Variants in RAD18 observed in about 807,000 individuals in gnomAD.
RAD18 encodes the protein RAD18 E3 ubiquitin protein ligase.
A neutral mutation model predicts 60.4 loss-of-function variants in RAD18; 47 were observed. The ratio of observed to expected loss-of-function variants is 0.78; its 90% CI spans 0.62 to 0.99. The LOEUF (loss-of-function observed/expected upper bound fraction) is 0.99, where lower values mean the gene tolerates loss of function less well. RAD18 is among the 50% of genes least tolerant of loss of function. RAD18 has a pLI of 0.00. For synonymous variants in RAD18, 225 were observed against 195.5 expected (o/e 1.15, Z -1.26); for missense variants, 640 against 593.3 (o/e 1.08, Z -0.82).
At chr3:8,926,273 C>CA (rs1385178730) in intron 7 of RAD18, among the ~76,000 whole-genome samples, 1 of 152,124 alleles carries the variant, frequency 6.6e-6, no homozygotes, top group Non-Finnish European at 1.5e-5. Context: ...CAATAACAGA[C>CA]AGAGAGCCAA....
intron 9 of RAD18, among the ~76,000 whole-genome samples, chr3:8,906,794 G>GTT (rs369984359): frequency 0.56 from 81,422 of 144,464 alleles, 24,953 homozygotes; most frequent in Middle Eastern, 0.7. Context: ...GGGGGAAACA[G>GTT]TTTTTTTTTT....
At chr3:8,952,929 T>C (rs989303619) in intron 2 of RAD18, among the ~76,000 whole-genome samples, 1 of 152,170 alleles carries the variant, frequency 6.6e-6, no homozygotes, top group Admixed American at 6.5e-5. Flanking sequence ...AAACCCATCA[T>C]AAATTGAAAA....
chr3:8,944,992 C>T (rs1398719733), intron 4 of RAD18, among the ~76,000 whole-genome samples: 1 of 152,060 alleles, frequency 6.6e-6, no homozygotes, highest in East Asian at 1.9e-4. Context: ...ATAAAAGTAA[C>T]AATACAACAA....
At chr3:8,946,505 T>C (rs683894) in intron 4 of RAD18, among the ~76,000 whole-genome samples, 113,843 of 152,220 alleles carry the variant, frequency 0.75, 42,799 homozygotes, top group African/African-American at 0.79. Context: ...AAAATTCTTG[T>C]TTGACTTGCA....
Position 8,941,578 on chromosome 3 carries a change from G to A in RAD18, c.493C>T (p.Pro165Ser). The A allele has an allele frequency of 6.2e-7, 1 of 1,614,070 alleles. No homozygotes were observed. Among genetic ancestry groups the A allele is most frequent in the Non-Finnish European group, 8.5e-7 (1 of 1,179,986 alleles). The change falls in exon 5 of 13, where the codon CCT (proline) becomes TCT (serine). Residue 165 changes from proline (P) to serine (S), a missense_variant. Physicochemically the swap from Pro to Ser is moderately conservative, Grantham distance 74. Transcript: ENST00000264926. ...SKFSPQKEAS[P>S]AAKTKETRSV... ...CGTGTCTCTTTGGTCTTTGCAGCAG[G>A]GCTCGCCTCTTTTTGAGGGCTGAAT...
In RAD18 at chr3:8,923,518, A is replaced by G. The variant is rs527513065; in HGVS notation, c.890-9798T>C. ...GGATATTATCCAGGAGAACTTCCCC[A>G]GTCTAGCAAGGCAGCCCAACATTCA... On this transcript the variant is annotated intron_variant, in intron 7 of 12. Coordinates refer to ENST00000264926, the MANE Select transcript of RAD18 (RefSeq NM_020165.4). Among the ~76,000 whole-genome samples the G allele has an allele frequency of 8.5e-5, 13 of 152,272 alleles. No homozygotes were observed. In the South Asian group the frequency reaches 2.7e-3, roughly 32 times the overall value.
chr3:8,928,582 A>C (rs1940490986), intron 7 of RAD18, among the ~76,000 whole-genome samples: 3 of 152,192 alleles, frequency 2.0e-5, no homozygotes, highest in Admixed American at 1.3e-4. Flanking sequence ...CTAACTAATC[A>C]AGAAGATACA....
At chr3:8,925,244 A>T (rs1433954911) in intron 7 of RAD18, among the ~76,000 whole-genome samples, 1 of 152,218 alleles carries the variant, frequency 6.6e-6, no homozygotes, top group African/African-American at 2.4e-5. Flanking sequence ...CACCGATCCC[A>T]CAGAAATACA....
At chr3:8,907,803 C>T (rs1434323206) in intron 9 of RAD18, among the ~76,000 whole-genome samples, 2 of 152,058 alleles carry the variant, frequency 1.3e-5, no homozygotes, top group Non-Finnish European at 2.9e-5. Context: ...GTTTGTGCAA[C>T]CTCAATTTTC....
intron 5 of RAD18, 149 bp from the exon 6 acceptor site, chr3:8,939,802 C>T: frequency 4.7e-6 from 3 of 636,370 alleles, no homozygotes; most frequent in Non-Finnish European, 7.7e-6. Flanking sequence ...AATGGCCCAT[C>T]GGGACAACAG....
intron 9 of RAD18, among the ~76,000 whole-genome samples, chr3:8,910,830 G>A (rs1940094216): frequency 6.6e-6 from 1 of 152,130 alleles, no homozygotes; most frequent in Non-Finnish European, 1.5e-5. Flanking sequence ...ATGTGAAATT[G>A]AAAAACTTCA....
chr3:8,919,408 C>A (rs1319322369), intron 7 of RAD18, among the ~76,000 whole-genome samples: 1 of 152,100 alleles, frequency 6.6e-6, no homozygotes, highest in Admixed American at 6.5e-5. Context: ...CCTGAGACAA[C>A]CCAGTTGCTG....
At chr3:8,937,772 G>A (rs1367412109) in intron 6 of RAD18, among the ~76,000 whole-genome samples, 1 of 152,136 alleles carries the variant, frequency 6.6e-6, no homozygotes, top group Admixed American at 6.5e-5. Flanking sequence ...CCTTAATGTA[G>A]GACTTCTCAA....
intron 7 of RAD18, among the ~76,000 whole-genome samples, chr3:8,925,341 C>A (rs1940414306): frequency 6.6e-6 from 1 of 152,138 alleles, no homozygotes; most frequent in South Asian, 2.1e-4. Flanking sequence ...GACACATACA[C>A]ACTCCCAAGA....
At chr3:8,940,569 G>A (rs947761804) in intron 5 of RAD18, among the ~76,000 whole-genome samples, 1 of 152,180 alleles carries the variant, frequency 6.6e-6, no homozygotes, top group African/African-American at 2.4e-5. Context: ...TACCAAAGAT[G>A]TCTAAGAGTT....
In RAD18 at chr3:8,880,522, C is replaced by T. The variant is rs1454515073; in HGVS notation, c.*835G>A. 1 of 152,212 alleles carries T rather than the reference C, an allele frequency of 6.6e-6. No homozygotes were observed. The highest frequency in any genetic ancestry group is 1.5e-5 in the Non-Finnish European group (1 of 68,038). 9.4% of individuals were successfully genotyped at this position (152,212 alleles called of 1,614,324 possible). A position where few individuals can be genotyped will look rare whatever the true frequency, so the allele number is the denominator to read the frequency against. Reference sequence around the variant, plus strand: ...ATTTCAATGATTTCTAACCCATACTCAACTATCCAGAGGATACTGTTTTAA... The same window carrying T: ...ATTTCAATGATTTCTAACCCATACTTAACTATCCAGAGGATACTGTTTTAA... On this transcript the variant is annotated 3_prime_UTR_variant, in exon 13 of 13. Coordinates refer to ENST00000264926, the MANE Select transcript of RAD18 (RefSeq NM_020165.4).
At chr3:8,953,893 T>C (rs1266466609) in intron 2 of RAD18, among the ~76,000 whole-genome samples, 1 of 152,228 alleles carries the variant, frequency 6.6e-6, no homozygotes, top group Non-Finnish European at 1.5e-5. Context: ...AGCAATTTTA[T>C]TTCATTTTTT....
In RAD18 at chr3:8,881,414, G is replaced by A. The variant is rs556401440; in HGVS notation, c.1431C>T (p.Arg477=). ...DTEISPRQNR[R]TRAAESAEIE... ...TCTCAGCACTTTCAGCGGCTCTTGTGCGGCGATTCTGTCTTGGACTTATTT... is the reference window on the plus strand; with the variant it reads ...TCTCAGCACTTTCAGCGGCTCTTGTACGGCGATTCTGTCTTGGACTTATTT... Residue 477 remains arginine (R), a synonymous_variant, in exon 13 of 13, where the codon CGC becomes CGT. Coordinates refer to ENST00000264926, the MANE Select transcript of RAD18 (RefSeq NM_020165.4). 1.9e-6 allele frequency: 3 copies of A among 1,613,266 alleles called. No homozygotes were observed. The highest frequency in any genetic ancestry group is 2.5e-6 in the Non-Finnish European group (3 of 1,179,252).
At chr3:8,939,097 T>C (rs779663667) in intron 6 of RAD18, among the ~76,000 whole-genome samples, 1 of 152,092 alleles carries the variant, frequency 6.6e-6, no homozygotes, top group Non-Finnish European at 1.5e-5. Flanking sequence ...TTATATCATA[T>C]ATATTTATAT....
Sources: allele counts gnomAD v4.1 joint callset (sites outside exome capture counted in the v4.1 genomes callset), GRCh38; gene constraint gnomAD v4.1.1; transcripts MANE v1.5; gene names NCBI Gene and HGNC (gene_info 2026-07-23, HGNC 2026-07-21).